Variants in PLPPR1 observed in about 807,000 individuals in gnomAD.
PLPPR1 encodes phospholipid phosphatase-related protein type 1.
Under a neutral mutation model 33.1 loss-of-function variants are expected in PLPPR1, and 10 were observed. The observed-to-expected ratio is 0.30, with a 90% CI of 0.19 to 0.51. PLPPR1 has a LOEUF of 0.51. Ranked by LOEUF, PLPPR1 falls within the 20% of genes least tolerant of loss-of-function variation. The pLI is 0.97. For synonymous variants in PLPPR1, 151 were observed against 151.0 expected (o/e 1.00, Z 0.00); for missense variants, 304 against 408.1 (o/e 0.74, Z 2.20).
At chr9:101,167,210 C>A (rs1825874295) in intron 1 of PLPPR1, among the ~76,000 whole-genome samples, 1 of 40,202 alleles carries the variant, frequency 2.5e-5, no homozygotes. Flanking sequence ...CACACACACA[C>A]ACATACACAC....
chr9:101,133,811 G>A (rs1270885938), intron 1 of PLPPR1, among the ~76,000 whole-genome samples: 2 of 152,262 alleles, frequency 1.3e-5, no homozygotes, highest in South Asian at 2.1e-4. Context: ...AAGCCATATA[G>A]CAGAATAGTA....
chr9:101,164,426 G>A (rs979493756), intron 1 of PLPPR1, among the ~76,000 whole-genome samples: 3 of 150,144 alleles, frequency 2.0e-5, no homozygotes, highest in Non-Finnish European at 3.0e-5. Context: ...GCAGAGGCAC[G>A]ATCTTGGCTC....
chr9:101,120,663 T>C (rs139083161), intron 1 of PLPPR1, among the ~76,000 whole-genome samples: 95 of 152,340 alleles, frequency 6.2e-4, no homozygotes, highest in Middle Eastern at 6.8e-3. Context: ...TACACCACCA[T>C]ATGCTCCCCT....
chr9:101,052,649 A>G (rs1588008265), intron 1 of PLPPR1, among the ~76,000 whole-genome samples: 1 of 152,230 alleles, frequency 6.6e-6, no homozygotes, highest in East Asian at 1.9e-4. Context: ...ATTTCCCAGC[A>G]GTAATAGAGG....
intron 4 of PLPPR1, among the ~76,000 whole-genome samples, chr9:101,295,171 A>G (rs923146634): frequency 8.1e-4 from 123 of 151,990 alleles, no homozygotes; most frequent in Non-Finnish European, 3.2e-4. Context: ...ACAAACAGAG[A>G]GCCAAATCAT....
intron 2 of PLPPR1, chr9:101,188,141 T>C (rs1826235110): frequency 6.6e-6 from 1 of 152,102 alleles, no homozygotes; most frequent in African/African-American, 2.4e-5. Context: ...ATATACCTAC[T>C]GAGGGACAGT....
At chr9:101,125,668 T>C in intron 1 of PLPPR1, 1 of 610,998 alleles carries the variant, frequency 1.6e-6, no homozygotes. Flanking sequence ...TTCACATATT[T>C]AGCAAAACAA....
At chr9:101,090,259 G>A (rs1830725828) in intron 1 of PLPPR1, among the ~76,000 whole-genome samples, 1 of 152,044 alleles carries the variant, frequency 6.6e-6, no homozygotes, top group Non-Finnish European at 1.5e-5. Context: ...CACATTCTGA[G>A]GTATAGGGGG....
intron 7 of PLPPR1, among the ~76,000 whole-genome samples, chr9:101,319,688 C>T (rs909226065): frequency 2.6e-5 from 4 of 152,106 alleles, no homozygotes; most frequent in Non-Finnish European, 2.9e-5. Flanking sequence ...AGCTAAATAG[C>T]GATACCCTGT....
At chr9:101,207,128 A>G (rs901644779) in intron 2 of PLPPR1, among the ~76,000 whole-genome samples, 2 of 152,158 alleles carry the variant, frequency 1.3e-5, no homozygotes, top group African/African-American at 4.8e-5. Context: ...TATTGTGTGT[A>G]TATATCTTTC....
intron 7 of PLPPR1, among the ~76,000 whole-genome samples, chr9:101,320,220 G>T (rs1185793391): frequency 6.6e-6 from 1 of 152,142 alleles, no homozygotes; most frequent in Non-Finnish European, 1.5e-5. Context: ...GCCTCATATG[G>T]ATACAATTTG....
intron 3 of PLPPR1, among the ~76,000 whole-genome samples, chr9:101,274,446 G>A (rs952551534): frequency 2.6e-5 from 4 of 152,128 alleles, no homozygotes; most frequent in Non-Finnish European, 5.9e-5. Context: ...CGCAAATGAG[G>A]GGCATTGGTA....
At chr9:101,068,955 A>G (rs1461891474) in intron 1 of PLPPR1, among the ~76,000 whole-genome samples, 1 of 152,110 alleles carries the variant, frequency 6.6e-6, no homozygotes, top group Non-Finnish European at 1.5e-5. Flanking sequence ...GTTTTACAAA[A>G]CAAAACAGTG....
intron 2 of PLPPR1, among the ~76,000 whole-genome samples, chr9:101,236,759 ATCCTC>A (rs1211270653): frequency 6.6e-6 from 1 of 151,680 alleles, no homozygotes; most frequent in Non-Finnish European, 1.5e-5. Flanking sequence ...AACATTCAAA[ATCCTC>A]TCCTCTATCT....
At chr9:101,094,660 C>T (rs767992171) in intron 1 of PLPPR1, among the ~76,000 whole-genome samples, 55 of 152,140 alleles carry the variant, frequency 3.6e-4, no homozygotes, top group African/African-American at 1.3e-3. Context: ...CTTATATGGT[C>T]GTTAGTCTAT....
At chr9:101,045,909 A>G (rs1444232802) in intron 1 of PLPPR1, among the ~76,000 whole-genome samples, 1 of 152,218 alleles carries the variant, frequency 6.6e-6, no homozygotes, top group Non-Finnish European at 1.5e-5. Flanking sequence ...TTCTCAATAA[A>G]TATCAGTTAT....
intron 1 of PLPPR1, among the ~76,000 whole-genome samples, chr9:101,082,532 A>G (rs1564139739): frequency 1.3e-5 from 2 of 152,214 alleles, no homozygotes; most frequent in South Asian, 2.1e-4. Flanking sequence ...GGAGAAAGCT[A>G]TCTTTGCCAT....
intron 4 of PLPPR1, among the ~76,000 whole-genome samples, chr9:101,297,328 ATTCTT>A (rs1828666336): frequency 1.3e-5 from 2 of 152,216 alleles, no homozygotes; most frequent in Non-Finnish European, 2.9e-5. Flanking sequence ...TGCTTCTCTA[ATTCTT>A]TTGTCTCCTC....
intron 2 of PLPPR1, among the ~76,000 whole-genome samples, chr9:101,237,540 C>T (rs1048489037): frequency 2.0e-5 from 3 of 150,118 alleles, no homozygotes; most frequent in Non-Finnish European, 4.5e-5. Flanking sequence ...ATTTAAGTCT[C>T]TTTGGAGAAT....
Sources: allele counts gnomAD v4.1 joint callset (sites outside exome capture counted in the v4.1 genomes callset), GRCh38; gene constraint gnomAD v4.1.1; transcripts MANE v1.5; gene names NCBI Gene and HGNC (gene_info 2026-07-23, HGNC 2026-07-21).